SH3RF1: variants seen among roughly 807,000 people sequenced by gnomAD.
The protein encoded by SH3RF1 is E3 ubiquitin-protein ligase SH3RF1.
Under a neutral mutation model 74.0 loss-of-function variants are expected in SH3RF1, and 32 were observed. The ratio of observed to expected loss-of-function variants is 0.43; its 90% CI spans 0.33 to 0.58. The LOEUF (loss-of-function observed/expected upper bound fraction) is 0.58, where lower values mean the gene tolerates loss of function less well. Among genes scored for constraint, SH3RF1 ranks in the 20% least tolerant of loss-of-function variants. SH3RF1 has a pLI of 0.05. For synonymous variants in SH3RF1, 396 were observed against 439.6 expected (o/e 0.90, Z 1.24); for missense variants, 954 against 1,130.9 (o/e 0.84, Z 2.24).
intron 2 of SH3RF1, among the ~76,000 whole-genome samples, chr4:169,185,841 C>A (rs958711040): frequency 1.3e-5 from 2 of 152,034 alleles, no homozygotes; most frequent in Non-Finnish European, 2.9e-5. Context: ...CGAGAGGGGG[C>A]AGCAATCATG....
At chr4:169,116,910 T>G (rs1733343746) in intron 9 of SH3RF1, among the ~76,000 whole-genome samples, 1 of 152,200 alleles carries the variant, frequency 6.6e-6, no homozygotes, top group Non-Finnish European at 1.5e-5. Context: ...CTCCACAGTG[T>G]TAGAGACACT....
At chr4:169,232,278 C>T (rs1242457386) in intron 2 of SH3RF1, among the ~76,000 whole-genome samples, 1 of 152,100 alleles carries the variant, frequency 6.6e-6, no homozygotes, top group African/African-American at 2.4e-5. Context: ...TGGGAAAGAC[C>T]GCCATAGCAA....
intron 2 of SH3RF1, among the ~76,000 whole-genome samples, chr4:169,247,527 G>C (rs1260250738): frequency 1.3e-5 from 2 of 152,200 alleles, no homozygotes; most frequent in African/African-American, 4.8e-5. Flanking sequence ...CTGTGTCTGA[G>C]AGTCTGGAAT....
At chr4:169,180,093 T>C (rs1054780710) in intron 2 of SH3RF1, among the ~76,000 whole-genome samples, 1 of 152,206 alleles carries the variant, frequency 6.6e-6, no homozygotes, top group Non-Finnish European at 1.5e-5. Context: ...GTAGTTCCAG[T>C]GCTGAACAGC....
intron 2 of SH3RF1, among the ~76,000 whole-genome samples, chr4:169,255,031 A>T (rs1463657706): frequency 6.6e-6 from 1 of 152,230 alleles, no homozygotes; most frequent in Non-Finnish European, 1.5e-5. Flanking sequence ...TTGCAAGGAC[A>T]GGAATTTATG....
chr4:169,211,242 GGA>G (rs1489604335), intron 2 of SH3RF1, among the ~76,000 whole-genome samples: 1 of 152,042 alleles, frequency 6.6e-6, no homozygotes, highest in Non-Finnish European at 1.5e-5. Context: ...CAGCACTTTG[GGA>G]GGCCAAGGCG....
chr4:169,148,650 C>T (rs1385295318), intron 4 of SH3RF1, among the ~76,000 whole-genome samples: 1 of 152,162 alleles, frequency 6.6e-6, no homozygotes, highest in Non-Finnish European at 1.5e-5. Context: ...TAATTATACA[C>T]TTAGCATGTT....
rs187522600 is a variant in SH3RF1 at position 169,094,480 on chromosome 4, C to A, written c.*2039G>T. On this transcript the variant is annotated 3_prime_UTR_variant, in exon 12 of 12. Coordinates refer to ENST00000284637, the MANE Select transcript of SH3RF1 (RefSeq NM_020870.4). ...AGATGAAATTTTAACCAACTTTATA[C>A]CAGGAAACTATGAACAGAGGTACTT... 71 of 145,348 alleles carry A rather than the reference C, an allele frequency of 4.9e-4. No individual in the cohort carries two copies. The highest frequency in any genetic ancestry group is 1.7e-3 in the African/African-American group (68 of 41,088). 9.0% of individuals were successfully genotyped at this position (145,348 alleles called of 1,614,324 possible). A position where few individuals can be genotyped will look rare whatever the true frequency, so the allele number is the denominator to read the frequency against.
chr4:169,226,249 AAG>A (rs1730652244), intron 2 of SH3RF1, among the ~76,000 whole-genome samples: 1 of 152,184 alleles, frequency 6.6e-6, no homozygotes, highest in Non-Finnish European at 1.5e-5. Context: ...CTATAGATAA[AAG>A]AGTATATTTT....
At chr4:169,105,877 C>A (rs755880059) in intron 11 of SH3RF1, among the ~76,000 whole-genome samples, 2 of 152,076 alleles carry the variant, frequency 1.3e-5, no homozygotes, top group Non-Finnish European at 2.9e-5. Flanking sequence ...CAGAGCAAGA[C>A]CCTGTCTCAA....
chr4:169,195,435 C>A (rs969295108), intron 2 of SH3RF1, among the ~76,000 whole-genome samples: 2 of 152,058 alleles, frequency 1.3e-5, no homozygotes, highest in African/African-American at 2.4e-5. Flanking sequence ...TCTTGGAGTT[C>A]ACAGGATTTC....
chr4:169,261,287 G>A (rs1731275266), intron 2 of SH3RF1, among the ~76,000 whole-genome samples: 1 of 152,230 alleles, frequency 6.6e-6, no homozygotes, highest in African/African-American at 2.4e-5. Context: ...CTGGTCCACT[G>A]TCATTGTAAA....
At chr4:169,137,382 A>G (rs1342415139) in intron 4 of SH3RF1, among the ~76,000 whole-genome samples, 1 of 152,198 alleles carries the variant, frequency 6.6e-6, no homozygotes, top group Non-Finnish European at 1.5e-5. Context: ...TATTATCAGC[A>G]AGAAAGGAAA....
chr4:169,115,162 A>G (rs1336613867), intron 10 of SH3RF1, among the ~76,000 whole-genome samples: 1 of 152,186 alleles, frequency 6.6e-6, no homozygotes, highest in African/African-American at 2.4e-5. Context: ...GAGACATTAA[A>G]AAAAACCCCA....
At chr4:169,109,062 G>A (rs1027564841) in intron 10 of SH3RF1, among the ~76,000 whole-genome samples, 1 of 152,240 alleles carries the variant, frequency 6.6e-6, no homozygotes, top group Non-Finnish European at 1.5e-5. Context: ...ACTTATTGTA[G>A]ACAGCCTGAG....
At chr4:169,133,986 A>G (rs1383954694) in intron 5 of SH3RF1, among the ~76,000 whole-genome samples, 1 of 152,112 alleles carries the variant, frequency 6.6e-6, no homozygotes, top group African/African-American at 2.4e-5. Context: ...ACTGATCTCC[A>G]TGGTTGGAAG....
chr4:169,210,100 C>A (rs1730333994), intron 2 of SH3RF1, among the ~76,000 whole-genome samples: 1 of 152,130 alleles, frequency 6.6e-6, no homozygotes, highest in South Asian at 2.1e-4. Context: ...CTGGACTCTA[C>A]ACGCCATTTT....
rs116350283 is a variant in SH3RF1, at chr4:169,127,178, G to T, written c.1179+2868C>A. On this transcript the variant is annotated intron_variant, in intron 6 of 11. Coordinates refer to ENST00000284637, the MANE Select transcript of SH3RF1 (RefSeq NM_020870.4). ...ATGTAATACCAGTATTGCTCATAAT[G>T]TTGGATATTTAAAATTTTAACTGTT... Among the ~76,000 whole-genome samples, 1,141 of 152,262 alleles carry T rather than the reference G, an allele frequency of 7.5e-3. 20 individuals are homozygous for T. Among genetic ancestry groups the T allele is most frequent in the African/African-American group, 0.026 (1,098 of 41,544 alleles).
At chr4:169,260,681 C>A (rs1218222928) in intron 2 of SH3RF1, among the ~76,000 whole-genome samples, 1 of 152,128 alleles carries the variant, frequency 6.6e-6, no homozygotes, top group Non-Finnish European at 1.5e-5. Context: ...CTCCTTCAGT[C>A]ACGCAAAAGA....
Sources: gnomAD v4.1 joint callset for allele counts (sites outside exome capture counted in the v4.1 genomes callset) on GRCh38, gnomAD v4.1.1 for gene constraint, MANE v1.5 for transcripts, NCBI Gene and HGNC (gene_info 2026-07-23, HGNC 2026-07-21) for gene names.